CHN1: variants seen among roughly 807,000 people sequenced by gnomAD.
The protein encoded by CHN1 is chimerin 1.
Under a neutral mutation model 59.5 loss-of-function variants are expected in CHN1, and 37 were observed. The ratio of observed to expected loss-of-function variants is 0.62; its 90% CI spans 0.48 to 0.82. The LOEUF (loss-of-function observed/expected upper bound fraction) is 0.82. CHN1 is among the 40% of genes least tolerant of loss of function. CHN1 has a pLI of 0.00. For synonymous variants in CHN1, 206 were observed against 200.4 expected (o/e 1.03, Z -0.24); for missense variants, 469 against 571.0 (o/e 0.82, Z 1.82).
At chr2:174,823,973 T>C (rs1685594052) in intron 8 of CHN1, among the ~76,000 whole-genome samples, 1 of 152,252 alleles carries the variant, frequency 6.6e-6, no homozygotes, top group African/African-American at 2.4e-5. Context: ...TTCACAGATT[T>C]TTAAAGCTTC....
chr2:174,938,562 G>T (rs1032533335), intron 3 of CHN1, among the ~76,000 whole-genome samples: 1 of 152,050 alleles, frequency 6.6e-6, no homozygotes, highest in Non-Finnish European at 1.5e-5. Context: ...GGGAAAAACA[G>T]AAAAACATTG....
At chr2:174,927,582 T>TA (rs775299741) in intron 3 of CHN1, among the ~76,000 whole-genome samples, 2 of 152,228 alleles carry the variant, frequency 1.3e-5, no homozygotes, top group Non-Finnish European at 1.5e-5. Flanking sequence ...TTCTTTTTTT[T>TA]ATTCCTGATT....
intron 6 of CHN1, among the ~76,000 whole-genome samples, chr2:174,860,802 C>T (rs1687046276): frequency 6.6e-6 from 1 of 152,132 alleles, no homozygotes; most frequent in Admixed American, 6.5e-5. Context: ...GCTCCCTCCC[C>T]TCATGGGCTT....
At chr2:174,923,974 T>C (rs2105379560) in intron 3 of CHN1, among the ~76,000 whole-genome samples, 2 of 152,344 alleles carry the variant, frequency 1.3e-5, no homozygotes, top group Middle Eastern at 3.4e-3. Context: ...ATTTTTATAA[T>C]TGAAATGTCA....
intron 7 of CHN1, among the ~76,000 whole-genome samples, chr2:174,836,426 G>C (rs995644676): frequency 6.6e-6 from 1 of 152,056 alleles, no homozygotes; most frequent in Admixed American, 6.5e-5. Context: ...ACTTTAATAG[G>C]CTTCAGTTTC....
chr2:174,819,008 A>G (rs1031121365), intron 8 of CHN1, among the ~76,000 whole-genome samples: 10 of 152,060 alleles, frequency 6.6e-5, no homozygotes, highest in African/African-American at 2.2e-4. Context: ...GTTTTGAAAC[A>G]TATCTCGTTT....
chr2:174,932,227 T>C (rs1377716785), intron 3 of CHN1, among the ~76,000 whole-genome samples: 1 of 152,204 alleles, frequency 6.6e-6, no homozygotes, highest in Non-Finnish European at 1.5e-5. Context: ...CAGAAGTTTA[T>C]TTCTCGTTTA....
intron 5 of CHN1, among the ~76,000 whole-genome samples, chr2:174,903,365 T>G (rs1354730509): frequency 6.6e-6 from 1 of 152,246 alleles, no homozygotes; most frequent in Non-Finnish European, 1.5e-5. Flanking sequence ...CTGCAAAGAC[T>G]AGAGATCATC....
At chr2:174,902,120 T>G (rs1044837746) in intron 5 of CHN1, among the ~76,000 whole-genome samples, 2 of 152,224 alleles carry the variant, frequency 1.3e-5, no homozygotes, top group African/African-American at 4.8e-5. Context: ...CTTTGTGTTT[T>G]CCTACATTTT....
At chr2:174,972,629 A>T (rs913843088) in intron 1 of CHN1, among the ~76,000 whole-genome samples, 1 of 152,120 alleles carries the variant, frequency 6.6e-6, no homozygotes, top group East Asian at 1.9e-4. Context: ...CAGACAATGG[A>T]AGTTGGAGCA....
At chr2:174,820,107 T>TG (rs1415063744) in intron 8 of CHN1, among the ~76,000 whole-genome samples, 2 of 152,130 alleles carry the variant, frequency 1.3e-5, no homozygotes, top group Non-Finnish European at 2.9e-5. Flanking sequence ...TTTGCTATTG[T>TG]GAATAGTGCC....
At chr2:174,877,279 A>G (rs1687594576) in intron 6 of CHN1, among the ~76,000 whole-genome samples, 1 of 152,212 alleles carries the variant, frequency 6.6e-6, no homozygotes, top group African/African-American at 2.4e-5. Flanking sequence ...AAGGAAAAGT[A>G]AAAGTGAATC....
chr2:174,882,417 T>C (rs1687764694), intron 5 of CHN1, among the ~76,000 whole-genome samples: 1 of 152,230 alleles, frequency 6.6e-6, no homozygotes, highest in Non-Finnish European at 1.5e-5. Context: ...CCATCTTTTC[T>C]ATTTTTCAGC....
intron 1 of CHN1, among the ~76,000 whole-genome samples, chr2:174,974,883 A>G (rs773758911): frequency 2.1e-5 from 3 of 140,834 alleles, no homozygotes; most frequent in African/African-American, 5.4e-5. Flanking sequence ...CAAACAGGCC[A>G]TAAGAAATAA....
At chr2:174,861,869 G>C (rs1420397203) in intron 6 of CHN1, among the ~76,000 whole-genome samples, 1 of 152,160 alleles carries the variant, frequency 6.6e-6, no homozygotes, top group Admixed American at 6.5e-5. Context: ...AAACTAATCT[G>C]CAGGACCAAA....
At chr2:174,929,350 G>T (rs1689265022) in intron 3 of CHN1, among the ~76,000 whole-genome samples, 1 of 152,144 alleles carries the variant, frequency 6.6e-6, no homozygotes, top group Admixed American at 6.5e-5. Context: ...GGCCAAGGTG[G>T]GCGGATCACC....
intron 2 of CHN1, among the ~76,000 whole-genome samples, chr2:174,945,916 T>A (rs984280870): frequency 2.7e-5 from 4 of 147,318 alleles, no homozygotes; most frequent in Non-Finnish European, 4.4e-5. Context: ...AGCCTGTGTG[T>A]GTGTGTGTGT....
At chr2:174,933,784 T>C (rs963950554) in intron 3 of CHN1, among the ~76,000 whole-genome samples, 8 of 152,194 alleles carry the variant, frequency 5.3e-5, no homozygotes, top group Non-Finnish European at 8.8e-5. Context: ...GCTAGGATTA[T>C]GTCCTTAAGC....
intron 10 of CHN1, 60 bp from the exon 11 acceptor site, chr2:174,809,102 G>A: frequency 2.1e-6 from 3 of 1,421,918 alleles, no homozygotes; most frequent in Non-Finnish European, 2.9e-6. Flanking sequence ...CTGTTTTAAT[G>A]AATGACATAT....
Sources: gnomAD v4.1 joint callset for allele counts (sites outside exome capture counted in the v4.1 genomes callset) on GRCh38, gnomAD v4.1.1 for gene constraint, MANE v1.5 for transcripts, NCBI Gene and HGNC (gene_info 2026-07-23, HGNC 2026-07-21) for gene names.